The following EIF4G3 variants were observed in gnomAD, a reference collection of about 807,000 sequenced individuals.
EIF4G3 encodes the protein eukaryotic translation initiation factor 4 gamma 3.
In EIF4G3, 34 loss-of-function variants were observed where a neutral mutation model predicts 186.4. The ratio of observed to expected loss-of-function variants is 0.18; its 90% CI spans 0.14 to 0.24. The LOEUF is 0.24. EIF4G3 is among the 10% of genes least tolerant of loss of function. The pLI, the probability that EIF4G3 is intolerant of heterozygous loss-of-function variation, is 1.00. For synonymous variants in EIF4G3, 673 were observed against 679.5 expected (o/e 0.99, Z 0.15); for missense variants, 1,536 against 1,948.5 (o/e 0.79, Z 3.99).
At chr1:21,173,137 C>CAAAAAAAAAA (rs1193601902) in intron 2 of EIF4G3, among the ~76,000 whole-genome samples, 1 of 29,192 alleles carries the variant, frequency 3.4e-5, no homozygotes, top group Non-Finnish European at 6.3e-5. Flanking sequence ...GACTCAATCT[C>CAAAAAAAAAA]AAAAAAAAAA....
rs182741340 is a variant in EIF4G3 at position 20,807,612 on chromosome 1, A to T, written c.4745-112T>A. 4.4e-5 allele frequency: 42 copies of T among 951,900 alleles called. No homozygotes were observed. In the African/African-American group the frequency reaches 5.8e-4, roughly 13 times the overall value. The allele number at this position is 951,900 out of a possible 1,614,324, so 59.0% of individuals were successfully genotyped here. A position where few individuals can be genotyped will look rare whatever the true frequency, so the allele number is the denominator to read the frequency against. ...TAAATGTGCATTAATTCCCCCAGAA[A>T]AAAGCAATAATGACAATTCACCATA... is the stretch of plus-strand genomic sequence containing the variant. On this transcript the variant is annotated intron_variant, in intron 36 of 36. Transcript: ENST00000602326.
Position 20,900,623 on chromosome 1 carries a change from T to G in EIF4G3, c.1753-680A>C, listed in dbSNP as rs371025556. 2.3e-4 allele frequency among the ~76,000 whole-genome samples: 35 copies of G among 152,336 alleles called. 1 individual carries two copies. The South Asian group carries it at 6.8e-3, about 30-fold the overall frequency. Reference sequence around the variant, plus strand: ...ATTGAAGTTATTCCCTAGATTATTTTTGACCATCTTAGCGTCAGATATCAA... The same window carrying G: ...ATTGAAGTTATTCCCTAGATTATTTGTGACCATCTTAGCGTCAGATATCAA... On this transcript the variant is annotated intron_variant, in intron 15 of 36. Transcript: ENST00000602326.
At chr1:21,157,435 G>C (rs1236787162) in intron 2 of EIF4G3, among the ~76,000 whole-genome samples, 5 of 151,628 alleles carry the variant, frequency 3.3e-5, no homozygotes, top group Admixed American at 3.3e-4. Flanking sequence ...GCAGTGGTAT[G>C]ATCACAACTC....
chr1:21,029,240 G>A (rs1370029808), intron 4 of EIF4G3, among the ~76,000 whole-genome samples: 12 of 151,290 alleles, frequency 7.9e-5, no homozygotes. Flanking sequence ...GGCTGGTCTT[G>A]AACTCCTGGC....
intron 13 of EIF4G3, among the ~76,000 whole-genome samples, chr1:20,944,446 T>C (rs1421573557): frequency 1.3e-5 from 2 of 150,844 alleles, no homozygotes; most frequent in Admixed American, 1.3e-4. Context: ...GCCCAGGAGG[T>C]CGAGGCTGCA....
chr1:20,894,661 G>C (rs1461424491), intron 17 of EIF4G3, among the ~76,000 whole-genome samples: 1 of 152,170 alleles, frequency 6.6e-6, no homozygotes, highest in East Asian at 1.9e-4. Flanking sequence ...TTAAGAGGTA[G>C]ATATGATTCC....
At chr1:21,081,727 T>C (rs1411721934) in intron 3 of EIF4G3, among the ~76,000 whole-genome samples, 3 of 144,430 alleles carry the variant, frequency 2.1e-5, no homozygotes, top group Non-Finnish European at 1.5e-5. Context: ...CTGCAACCCC[T>C]GACTCCCGGG....
intron 2 of EIF4G3, among the ~76,000 whole-genome samples, chr1:21,123,192 A>T (rs1484252666): frequency 6.6e-6 from 1 of 152,186 alleles, no homozygotes; most frequent in African/African-American, 2.4e-5. Context: ...AGACAGTGGT[A>T]GGCTTAAATA....
chr1:21,056,528 A>G (rs1333471107), intron 3 of EIF4G3, among the ~76,000 whole-genome samples: 2 of 152,214 alleles, frequency 1.3e-5, no homozygotes, highest in African/African-American at 4.8e-5. Flanking sequence ...TATCCCAAAG[A>G]AATGGCACAA....
At chr1:21,166,295 C>T (rs984406406) in intron 2 of EIF4G3, among the ~76,000 whole-genome samples, 1 of 151,380 alleles carries the variant, frequency 6.6e-6, no homozygotes, top group African/African-American at 2.4e-5. Context: ...CCAGGCATAG[C>T]GGAGTGTGTC....
At chr1:21,092,934 TAC>T (rs1377385489) in intron 2 of EIF4G3, among the ~76,000 whole-genome samples, 1 of 152,162 alleles carries the variant, frequency 6.6e-6, no homozygotes. Flanking sequence ...CCTTACACCT[TAC>T]ACAAAAATTA....
At chr1:21,048,730 T>C (rs973763533) in intron 4 of EIF4G3, among the ~76,000 whole-genome samples, 8 of 152,012 alleles carry the variant, frequency 5.3e-5, no homozygotes, top group Non-Finnish European at 8.8e-5. Flanking sequence ...GTTCTGAGGG[T>C]GGATTTTCAG....
At chr1:20,959,550 A>T (rs1212402480) in intron 12 of EIF4G3, among the ~76,000 whole-genome samples, 2 of 151,770 alleles carry the variant, frequency 1.3e-5, no homozygotes, top group African/African-American at 4.8e-5. Flanking sequence ...ATTAAACTAA[A>T]AACCTTTTGC....
intron 10 of EIF4G3, among the ~76,000 whole-genome samples, chr1:20,975,836 A>G (rs76780666): frequency 0.029 from 4,407 of 152,002 alleles, 141 homozygotes; most frequent in East Asian, 0.14. Context: ...AATCTAGTCC[A>G]CCACTATTTA....
intron 14 of EIF4G3, among the ~76,000 whole-genome samples, chr1:20,932,904 TA>T (rs202095296): frequency 5.3e-5 from 8 of 151,772 alleles, no homozygotes; most frequent in African/African-American, 1.9e-4. Flanking sequence ...CTTCAATTTG[TA>T]AAAAAAACCG....
At chr1:21,112,558 C>G (rs1423599038) in intron 2 of EIF4G3, among the ~76,000 whole-genome samples, 1 of 151,972 alleles carries the variant, frequency 6.6e-6, no homozygotes, top group Non-Finnish European at 1.5e-5. Flanking sequence ...AAACTCTAAA[C>G]ATAATTTCTT....
At chr1:21,031,228 C>G (rs950607257) in intron 4 of EIF4G3, among the ~76,000 whole-genome samples, 2 of 151,534 alleles carry the variant, frequency 1.3e-5, no homozygotes, top group Admixed American at 6.6e-5. Flanking sequence ...CAGGGTAGAT[C>G]CAGGAGCCCA....
At chr1:20,933,082 G>C (rs1573056539) in intron 14 of EIF4G3, among the ~76,000 whole-genome samples, 4 of 152,178 alleles carry the variant, frequency 2.6e-5, no homozygotes, top group Admixed American at 1.3e-4. Flanking sequence ...GATACCAGAA[G>C]ACCTGGTGGT....
chr1:20,816,860 A>G (rs964389721), intron 34 of EIF4G3, among the ~76,000 whole-genome samples: 2 of 102,676 alleles, frequency 1.9e-5, no homozygotes, highest in African/African-American at 6.8e-5. Flanking sequence ...GTGTAGAAAG[A>G]AGTAGACATG....
Sources: allele counts gnomAD v4.1 joint callset (sites outside exome capture counted in the v4.1 genomes callset), GRCh38; gene constraint gnomAD v4.1.1; transcripts MANE v1.5; gene names NCBI Gene and HGNC (gene_info 2026-07-23, HGNC 2026-07-21).